Variants in KHDRBS2 observed in about 807,000 individuals in gnomAD.
The protein encoded by KHDRBS2 is KH domain-containing, RNA-binding, signal transduction-associated protein 2.
Under a neutral mutation model 44.3 loss-of-function variants are expected in KHDRBS2, and 26 were observed. The observed-to-expected ratio is 0.59, with a 90% CI of 0.43 to 0.81. The LOEUF is 0.81. Ranked by LOEUF, KHDRBS2 falls within the 40% of genes least tolerant of loss-of-function variation. The probability of loss-of-function intolerance (pLI) is 0.00; values close to 1 mark genes in which losing one functional copy is unlikely to be tolerated. For synonymous variants in KHDRBS2, 194 were observed against 151.1 expected (o/e 1.28, Z -2.08); for missense variants, 476 against 433.1 (o/e 1.10, Z -0.88).
intron 7 of KHDRBS2, among the ~76,000 whole-genome samples, chr6:61,720,400 T>A (rs1331236791): frequency 6.6e-6 from 1 of 152,098 alleles, no homozygotes; most frequent in Non-Finnish European, 1.5e-5. Context: ...ACCAACAGTG[T>A]AAAAGTGTTC....
rs369838966 is a variant in KHDRBS2, at chr6:62,239,764, C to T, written c.91+46094G>A. 1.1e-4 allele frequency among the ~76,000 whole-genome samples: 16 copies of T among 152,142 alleles called. 1 individual carries two copies. The highest frequency in any genetic ancestry group is 5.9e-4 in the Admixed American group (9 of 15,268). On this transcript the variant is annotated intron_variant, in intron 1 of 8. Transcript: ENST00000281156. ...GCAGTGGCGGGATCTCAGATGACTGCAACTTCCACGTCCCAGGTTCAAGCA... is the reference window on the plus strand; with the variant it reads ...GCAGTGGCGGGATCTCAGATGACTGTAACTTCCACGTCCCAGGTTCAAGCA...
chr6:61,666,711 AAT>A, the KHDRBS2 span, among the ~76,000 whole-genome samples: 1 of 151,468 alleles, frequency 6.6e-6, no homozygotes, highest in Non-Finnish European at 1.5e-5. Flanking sequence ...CTTATTAAAC[AAT>A]ATAATACAGC....
At chr6:61,544,545 T>G in the KHDRBS2 span, among the ~76,000 whole-genome samples, 1 of 152,166 alleles carries the variant, frequency 6.6e-6, no homozygotes, top group Non-Finnish European at 1.5e-5. Context: ...CCCAACTAGG[T>G]TTAACTGGGG....
At chr6:61,973,920 T>C (rs1271658424) in intron 4 of KHDRBS2, among the ~76,000 whole-genome samples, 1 of 151,340 alleles carries the variant, frequency 6.6e-6, no homozygotes, top group African/African-American at 2.4e-5. Flanking sequence ...GGATAGTTAT[T>C]GGAAGATGTA....
At chr6:62,169,304 G>A (rs1819531409) in intron 2 of KHDRBS2, among the ~76,000 whole-genome samples, 2 of 151,172 alleles carry the variant, frequency 1.3e-5, no homozygotes, top group African/African-American at 4.9e-5. Context: ...AGTGCGCCTA[G>A]AATCAACCTC....
intron 1 of KHDRBS2, among the ~76,000 whole-genome samples, chr6:62,255,439 C>T (rs1465886250): frequency 6.6e-6 from 1 of 151,936 alleles, no homozygotes; most frequent in Non-Finnish European, 1.5e-5. Flanking sequence ...ATTGCTATCT[C>T]CATCTTATGG....
chr6:61,582,075 C>A, the KHDRBS2 span, among the ~76,000 whole-genome samples: 1 of 151,542 alleles, frequency 6.6e-6, no homozygotes, highest in Non-Finnish European at 1.5e-5. Flanking sequence ...TAATAAAAAG[C>A]AAGTGAACCC....
chr6:61,826,899 C>A (rs1790962797), intron 6 of KHDRBS2, among the ~76,000 whole-genome samples: 2 of 152,100 alleles, frequency 1.3e-5, no homozygotes, highest in South Asian at 2.1e-4. Flanking sequence ...GTGAACACAT[C>A]CTAACACGAC....
intron 6 of KHDRBS2, among the ~76,000 whole-genome samples, chr6:61,877,879 T>C (rs1799662396): frequency 6.6e-6 from 1 of 151,926 alleles, no homozygotes; most frequent in African/African-American, 2.4e-5. Context: ...GTGAAGATTG[T>C]TTTTTCATAA....
At chr6:61,658,051 A>G in the KHDRBS2 span, among the ~76,000 whole-genome samples, 1 of 151,914 alleles carries the variant, frequency 6.6e-6, no homozygotes, top group Non-Finnish European at 1.5e-5. Context: ...ACAAATATAT[A>G]TTATGCATAG....
intron 1 of KHDRBS2, among the ~76,000 whole-genome samples, chr6:62,187,003 G>A (rs1025597015): frequency 2.0e-5 from 3 of 151,916 alleles, no homozygotes; most frequent in African/African-American, 7.3e-5. Context: ...ATTTCTCCTT[G>A]CTGAGCAACC....
At chr6:61,752,031 A>G (rs1777779154) in intron 6 of KHDRBS2, among the ~76,000 whole-genome samples, 1 of 152,110 alleles carries the variant, frequency 6.6e-6, no homozygotes, top group Admixed American at 6.6e-5. Flanking sequence ...CCCATTTTAT[A>G]TTAATCATCT....
intron 2 of KHDRBS2, among the ~76,000 whole-genome samples, chr6:62,116,800 T>TCTA (rs1232576446): frequency 6.6e-6 from 1 of 152,100 alleles, no homozygotes; most frequent in African/African-American, 2.4e-5. Context: ...TAACTATCAC[T>TCTA]CTACTCCCTA....
At chr6:62,069,052 G>C (rs1794398709) in intron 2 of KHDRBS2, among the ~76,000 whole-genome samples, 1 of 151,538 alleles carries the variant, frequency 6.6e-6, no homozygotes, top group South Asian at 2.1e-4. Flanking sequence ...ATACAGATTG[G>C]ATTGAAATTG....
intron 2 of KHDRBS2, among the ~76,000 whole-genome samples, chr6:62,132,399 A>G (rs183971348): frequency 1.1e-4 from 16 of 152,282 alleles, no homozygotes; most frequent in African/African-American, 3.8e-4. Context: ...CTGGGAACTT[A>G]TTAGAAATGC....
At chr6:61,970,315 A>AC (rs142022221) in intron 4 of KHDRBS2, among the ~76,000 whole-genome samples, 1 of 152,018 alleles carries the variant, frequency 6.6e-6, no homozygotes, top group Admixed American at 6.6e-5. Context: ...TTAAAAAAAA[A>AC]CTGCATATTT....
intron 6 of KHDRBS2, among the ~76,000 whole-genome samples, chr6:61,865,178 A>G (rs1797597144): frequency 6.6e-6 from 1 of 152,012 alleles, no homozygotes; most frequent in Non-Finnish European, 1.5e-5. Flanking sequence ...GCATTGTTTT[A>G]TCATGATTCT....
At chr6:62,187,027 A>G (rs533152942) in intron 1 of KHDRBS2, among the ~76,000 whole-genome samples, 15 of 152,234 alleles carry the variant, frequency 9.9e-5, no homozygotes, top group Non-Finnish European at 1.9e-4. Context: ...ATCATATTAC[A>G]TAAGAAAAGT....
At chr6:61,895,774 G>T (rs991051426) in intron 5 of KHDRBS2, among the ~76,000 whole-genome samples, 2 of 151,986 alleles carry the variant, frequency 1.3e-5, no homozygotes, top group Non-Finnish European at 2.9e-5. Context: ...AAGCTTTGGG[G>T]AAAAAAATGA....
Sources: gnomAD v4.1 joint callset for allele counts (sites outside exome capture counted in the v4.1 genomes callset) on GRCh38, gnomAD v4.1.1 for gene constraint, MANE v1.5 for transcripts, NCBI Gene and HGNC (gene_info 2026-07-23, HGNC 2026-07-21) for gene names.